Variants in RPS6KA2 observed in about 807,000 individuals in gnomAD.
The protein encoded by RPS6KA2 is ribosomal protein S6 kinase alpha-2.
In RPS6KA2, 42 loss-of-function variants were observed where a neutral mutation model predicts 91.8. That is an observed-to-expected ratio of 0.46 (90% CI 0.36 to 0.59). RPS6KA2 has a LOEUF of 0.59. RPS6KA2 is among the 20% of genes least tolerant of loss of function. The pLI is 0.00. For missense variants in RPS6KA2, 798 were observed against 978.5 expected, an observed-to-expected ratio of 0.82 and a Z score of 2.46; for synonymous variants, 414 against 393.6, an observed-to-expected ratio of 1.05 and a Z score of -0.61.
chr6:166,721,922 C>T (rs1226022686), intron 2 of RPS6KA2, among the ~76,000 whole-genome samples: 2 of 152,182 alleles, frequency 1.3e-5, no homozygotes, highest in Non-Finnish European at 2.9e-5. Context: ...TATCATGCTT[C>T]CTCGCCGGCA....
At position 166,498,554 on chromosome 6, in the gene RPS6KA2, C is replaced by T. The variant is rs756578915; in HGVS notation, c.701G>A (p.Arg234Gln). ...CCAGTCGGCACTCTGCGTGTGTCCT[C>T]GCCGGTTCACCACCTCGGGCGCCAT... ...EYMAPEVVNR[R>Q]GHTQSADWWS... is the part of the protein sequence containing the mutation. Residue 234 changes from arginine to glutamine, a missense_variant, in exon 8 of 21, where the codon CGA becomes CAA. Arg to Gln is a conservative substitution (Grantham distance 43). Coordinates refer to ENST00000265678, the MANE Select transcript of RPS6KA2 (RefSeq NM_021135.6). 14 of 1,613,652 alleles carry T rather than the reference C, an allele frequency of 8.7e-6. No individual in the cohort carries two copies. Among genetic ancestry groups the T allele is most frequent in the East Asian group, 4.5e-5 (2 of 44,898 alleles).
chr6:166,778,090 C>G (rs1004733046), intron 2 of RPS6KA2, among the ~76,000 whole-genome samples: 1 of 152,206 alleles, frequency 6.6e-6, no homozygotes, highest in Non-Finnish European at 1.5e-5. Context: ...TGAAGGACAG[C>G]CAACACCATT....
At chr6:166,789,530 T>C (rs552755822) in intron 2 of RPS6KA2, among the ~76,000 whole-genome samples, 1 of 152,232 alleles carries the variant, frequency 6.6e-6, no homozygotes, top group Non-Finnish European at 1.5e-5. Context: ...TCTCCCAGCA[T>C]GCAGCTGGAG....
intron 2 of RPS6KA2, among the ~76,000 whole-genome samples, chr6:166,829,757 TG>T (rs2128625986): frequency 6.6e-6 from 1 of 151,646 alleles, no homozygotes; most frequent in East Asian, 1.9e-4. Context: ...AGCAGACGAG[TG>T]GAAGAACAAA....
Position 166,770,485 on chromosome 6 carries a change from G to A in RPS6KA2, c.123+87715C>T, listed in dbSNP as rs1343587530. Among the ~76,000 whole-genome samples, 1 of 152,182 alleles carries A rather than the reference G, an allele frequency of 6.6e-6. No homozygotes were observed. The highest frequency in any genetic ancestry group is 2.4e-5 in the African/African-American group (1 of 41,432). On this transcript the variant is annotated intron_variant, in intron 2 of 21. Coordinates refer to the RPS6KA2 transcript ENST00000503859. This position sits in a 1 kb window ranked among gnomAD's most constrained non-coding sequence, Gnocchi z 5.1. ...CTCGCTGCCATGGCTCCCTTCTGCC[G>A]CTGGTAATTTCAGCTTATTTTGAAG...
intron 2 of RPS6KA2, among the ~76,000 whole-genome samples, chr6:166,810,013 T>C (rs1041785163): frequency 6.6e-6 from 1 of 152,202 alleles, no homozygotes; most frequent in African/African-American, 2.4e-5. Context: ...CAGTTACGCA[T>C]AACTGGAGAG....
At chr6:166,702,262 G>A in intron 2 of RPS6KA2, 2 of 1,613,184 alleles carry the variant, frequency 1.2e-6, no homozygotes, top group Non-Finnish European at 1.7e-6. Context: ...GTTTCTGCTT[G>A]GACACGGATC....
chr6:166,442,671 C>T lies in RPS6KA2; in HGVS notation c.1332+6053G>A, dbSNP rs113103022. On this transcript the variant is annotated intron_variant, in intron 14 of 20. Transcript: ENST00000265678. ...AGTTTCCTCTTCATATGTGTACTGA[C>T]GTTGGTGTTTTGCAAAAGAGGGTCA... Among the ~76,000 whole-genome samples, 431 of 152,228 alleles carry T rather than the reference C, an allele frequency of 2.8e-3. 2 individuals are homozygous for T. Among genetic ancestry groups the T allele is most frequent in the Non-Finnish European group, 4.6e-3 (312 of 68,010 alleles).
At chr6:166,753,863 A>G (rs1220500063) in intron 2 of RPS6KA2, among the ~76,000 whole-genome samples, 1 of 152,238 alleles carries the variant, frequency 6.6e-6, no homozygotes, top group Admixed American at 6.5e-5. Flanking sequence ...CTCTACAAGA[A>G]GATGCCCACT....
intron 10 of RPS6KA2, chr6:166,475,839 C>G (rs774918738): frequency 2.0e-6 from 1 of 508,662 alleles, no homozygotes. Flanking sequence ...CGTTTTCTCA[C>G]CTGCAGAGTG....
intron 2 of RPS6KA2, among the ~76,000 whole-genome samples, chr6:166,656,837 C>A (rs1788016018): frequency 6.6e-6 from 1 of 152,314 alleles, no homozygotes; most frequent in East Asian, 1.9e-4. Context: ...CCAGATTCAC[C>A]GCGGTGCATG....
At chr6:166,641,750 A>AAAAAAAAAAAAAAAAAAG (rs1787444477) in intron 2 of RPS6KA2, among the ~76,000 whole-genome samples, 1 of 139,680 alleles carries the variant, frequency 7.2e-6, no homozygotes, top group Non-Finnish European at 1.6e-5. Flanking sequence ...AAAAAAAAAA[A>AAAAAAAAAAAAAAAAAAG]AAAAAAAAAA....
intron 2 of RPS6KA2, among the ~76,000 whole-genome samples, chr6:166,637,074 C>T (rs75413763): frequency 0.12 from 18,550 of 152,134 alleles, 1,421 homozygotes; most frequent in Non-Finnish European, 0.16. Context: ...GGGGAGGTGC[C>T]GCCTCTGTTG....
At chr6:166,441,220 G>A (rs2128450812) in intron 14 of RPS6KA2, among the ~76,000 whole-genome samples, 1 of 152,230 alleles carries the variant, frequency 6.6e-6, no homozygotes, top group South Asian at 2.1e-4. Flanking sequence ...CCCGGCCTCT[G>A]TGCCTGTGAA....
intron 2 of RPS6KA2, among the ~76,000 whole-genome samples, chr6:166,786,091 T>A (rs538696971): frequency 6.6e-6 from 1 of 152,290 alleles, no homozygotes; most frequent in East Asian, 1.9e-4. Context: ...TTTGAGAAAA[T>A]TGAGTTAGGA....
intron 2 of RPS6KA2, among the ~76,000 whole-genome samples, chr6:166,820,358 A>G (rs138816291): frequency 6.6e-6 from 1 of 152,216 alleles, no homozygotes; most frequent in East Asian, 1.9e-4. Flanking sequence ...CTCTATCTCA[A>G]TCTCAGATTA....
rs139524693 is a variant in RPS6KA2 at position 166,522,921 on chromosome 6, T to C, written c.298+8311A>G. On this transcript the variant is annotated intron_variant, in intron 3 of 20. Coordinates refer to ENST00000265678, the MANE Select transcript of RPS6KA2 (RefSeq NM_021135.6). ...CTCCCCAACAGGTGTCTTTTTATTC[T>C]TCTATACTCAAGTATTTTTTAAAAG... is the stretch of plus-strand genomic sequence containing the variant. Among the ~76,000 whole-genome samples, 474 of 152,308 alleles carry C rather than the reference T, an allele frequency of 3.1e-3. 1 individual carries two copies. The highest frequency in any genetic ancestry group is 9.1e-3 in the African/African-American group (380 of 41,560).
At chr6:166,755,839 G>C (rs901760130) in intron 2 of RPS6KA2, among the ~76,000 whole-genome samples, 20 of 152,128 alleles carry the variant, frequency 1.3e-4, no homozygotes, top group African/African-American at 4.8e-4. Context: ...ACGGACTCAG[G>C]GCTGAGCTGG....
intron 1 of RPS6KA2, among the ~76,000 whole-genome samples, chr6:166,589,365 C>A (rs1785285272): frequency 6.6e-6 from 1 of 152,204 alleles, no homozygotes; most frequent in Non-Finnish European, 1.5e-5. Context: ...ACTAAGTATG[C>A]ACTTTTGTGA....
Sources: gnomAD v4.1 joint callset for allele counts (sites outside exome capture counted in the v4.1 genomes callset) on GRCh38, gnomAD v4.1.1 for gene constraint, Gnocchi (gnomAD v3.1) non-coding constraint, MANE v1.5 for transcripts, NCBI Gene and HGNC (gene_info 2026-07-23, HGNC 2026-07-21) for gene names.